The following AFAP1L1 variants were observed in gnomAD, a reference collection of about 807,000 sequenced individuals.
AFAP1L1 encodes the protein actin filament associated protein 1 like 1, also known as actin filament-associated protein 1-like 1.
AFAP1L1 carries 77 observed loss-of-function variants against 99.8 expected under a neutral mutation model. The observed-to-expected ratio is 0.77, with a 90% CI of 0.64 to 0.93. The LOEUF (loss-of-function observed/expected upper bound fraction) is 0.93, where lower values mean the gene tolerates loss of function less well. AFAP1L1 is among the 40% of genes least tolerant of loss of function. AFAP1L1 has a pLI of 0.00. For missense variants in AFAP1L1, 893 were observed against 996.8 expected (o/e 0.90, Z 1.40); for synonymous variants, 373 against 395.3 (o/e 0.94, Z 0.67).
chr5:149,323,436 T>A (rs1757011108), intron 15 of AFAP1L1, among the ~76,000 whole-genome samples: 1 of 152,258 alleles, frequency 6.6e-6, no homozygotes, highest in Non-Finnish European at 1.5e-5. Context: ...AATCTGTGCT[T>A]CTGTGTGATT....
chr5:149,339,960 A>G (rs1156949985), intron 18 of AFAP1L1, 47 bp from the exon 19 acceptor site: 2 of 1,611,362 alleles, frequency 1.2e-6, no homozygotes, highest in South Asian at 1.1e-5. Context: ...TCCATGTCAC[A>G]CTAGACCATT....
intron 15 of AFAP1L1, among the ~76,000 whole-genome samples, chr5:149,326,018 T>C (rs1757084410): frequency 6.6e-6 from 1 of 152,112 alleles, no homozygotes; most frequent in Non-Finnish European, 1.5e-5. Context: ...TTCCCACCCC[T>C]GGATCCAGAG....
chr5:149,335,776 A>G, intron 18 of AFAP1L1, 54 bp downstream of exon 18: 3 of 1,588,738 alleles, frequency 1.9e-6, no homozygotes, highest in Non-Finnish European at 2.6e-6. Context: ...CCCCCTTTCT[A>G]TGGAACTTCA....
chr5:149,310,909 C>T (rs1756611169), intron 8 of AFAP1L1, among the ~76,000 whole-genome samples: 1 of 152,234 alleles, frequency 6.6e-6, no homozygotes, highest in Admixed American at 6.5e-5. Flanking sequence ...GTGTGACCTT[C>T]TGCAAATGAC....
At chr5:149,312,302 C>G (rs1756659665) in intron 9 of AFAP1L1, 98 bp downstream of exon 9, 1 of 1,197,992 alleles carries the variant, frequency 8.3e-7, no homozygotes, top group Admixed American at 1.7e-5. Context: ...GAAAGTCAGG[C>G]AACTGCCAAA....
chr5:149,328,948 T>C (rs145269664), intron 15 of AFAP1L1, among the ~76,000 whole-genome samples: 237 of 152,334 alleles, frequency 1.6e-3, no homozygotes, highest in African/African-American at 5.4e-3. Context: ...TCCATCATAG[T>C]GTTGAACCTG....
In AFAP1L1 at chr5:149,300,161, C is replaced by T. The variant is rs1483510508; in HGVS notation, c.146-110C>T. 5.2e-5 allele frequency: 35 copies of T among 673,872 alleles called. 2 individuals carry two copies. The South Asian group carries it at 5.9e-4, about 11-fold the overall frequency. The allele number at this position is 673,872 out of a possible 1,614,324, so 41.7% of individuals were successfully genotyped here. On this transcript the variant is annotated intron_variant, in intron 2 of 18. Transcript: ENST00000296721. ...AGTGAAATAATTTAGGACTTGAATG[C>T]GCTTTGCAAAGTGAGCACTGTGTCC...
rs985353506 is a variant in AFAP1L1, at chr5:149,312,161, T to C, written c.977T>C (p.Val326Ala). ...GTTGGGGGAGCTGAGGGAGTGGAGG[T>C]CCCCAGATCCCCAGTCCTCCTGTGC... ...KPVGGAEGVEVPRSPVLLCKL... is the reference protein window; with the variant it reads ...KPVGGAEGVEAPRSPVLLCKL... Residue 326 changes from valine (V) to alanine (A), a missense_variant, in exon 9 of 19, where the codon GTC (valine) becomes GCC (alanine). By Grantham distance (64) the Val-to-Ala change is moderately conservative (BLOSUM62 0). Coordinates refer to ENST00000296721, the MANE Select transcript of AFAP1L1 (RefSeq NM_152406.4). 1 of 1,613,824 alleles carries C rather than the reference T, an allele frequency of 6.2e-7. No homozygotes were observed. Among genetic ancestry groups the C allele is most frequent in the African/African-American group, 1.3e-5 (1 of 74,862 alleles).
intron 1 of AFAP1L1, among the ~76,000 whole-genome samples, chr5:149,293,047 G>C (rs1414798238): frequency 6.6e-6 from 1 of 152,236 alleles, no homozygotes; most frequent in Non-Finnish European, 1.5e-5. Context: ...GCCATGAATA[G>C]TTCACAGGAT....
chr5:149,328,548 C>T (rs1216502825), intron 15 of AFAP1L1, among the ~76,000 whole-genome samples: 2 of 152,146 alleles, frequency 1.3e-5, no homozygotes, highest in Non-Finnish European at 2.9e-5. Context: ...GTGGCTCACT[C>T]CTGTAATCCC....
chr5:149,272,712 TTTTG>T (rs1755167192), intron 1 of AFAP1L1, among the ~76,000 whole-genome samples: 1 of 152,108 alleles, frequency 6.6e-6, no homozygotes, highest in Non-Finnish European at 1.5e-5. Flanking sequence ...GTTTGTTTTG[TTTTG>T]TTTGAGACGG....
chr5:149,272,094 G>C, intron 1 of AFAP1L1, 110 bp downstream of exon 1: 1 of 1,090,196 alleles, frequency 9.2e-7, no homozygotes, highest in Non-Finnish European at 1.2e-6. Flanking sequence ...TGGGGCGGGG[G>C]CTGAGGAACG....
chr5:149,272,111 G>A (rs982616486), intron 1 of AFAP1L1, 127 bp downstream of exon 1: 2 of 1,000,604 alleles, frequency 2.0e-6, no homozygotes, highest in African/African-American at 3.4e-5. Context: ...AACGCTCGGA[G>A]GGGACTGGGA....
rs79332604 is a variant in AFAP1L1, at chr5:149,296,058, G to A, written c.17-3451G>A. On this transcript the variant is annotated intron_variant, in intron 1 of 18. Coordinates refer to ENST00000296721, the MANE Select transcript of AFAP1L1 (RefSeq NM_152406.4). ...GTCCTCAACAATTTTTTTTAAGAAC[G>A]GGTTTTGCTCTGTTACCCAGGCTGA... Among the ~76,000 whole-genome samples the A allele has an allele frequency of 4.4e-3, 665 of 152,104 alleles. 6 individuals are homozygous for A. Among genetic ancestry groups the A allele is most frequent in the African/African-American group, 0.015 (628 of 41,458 alleles).
chr5:149,319,836 A>G (rs1756902700), intron 13 of AFAP1L1, 109 bp downstream of exon 13: 6 of 1,447,456 alleles, frequency 4.1e-6, no homozygotes, highest in Non-Finnish European at 5.6e-6. Flanking sequence ...GGAGCTAAGG[A>G]AAGCTCCGCT....
rs1757194346 is a variant in AFAP1L1, at chr5:149,329,652, C to T, written c.1811-14C>T. The T allele has an allele frequency of 6.2e-7, 1 of 1,608,648 alleles. No homozygotes were observed. Among genetic ancestry groups the T allele is most frequent in the Admixed American group, 1.7e-5 (1 of 59,118 alleles). On this transcript the variant is annotated splice_polypyrimidine_tract_variant and intron_variant, in intron 15 of 18. Transcript: ENST00000296721. ...TCAGAACTGAGGGCCTTTCCCTTCC[C>T]CATATCTCTGCAGGTGCCAATCAAT...
At chr5:149,339,172 A>G (rs574080810) in intron 18 of AFAP1L1, among the ~76,000 whole-genome samples, 7 of 151,210 alleles carry the variant, frequency 4.6e-5, no homozygotes, top group African/African-American at 1.5e-4. Flanking sequence ...CTGTGTCCCA[A>G]TAAAGCTTTT....
chr5:149,283,358 G>T (rs1010590518), intron 1 of AFAP1L1, among the ~76,000 whole-genome samples: 2 of 152,098 alleles, frequency 1.3e-5, no homozygotes, highest in South Asian at 4.1e-4. Context: ...GACTTGGCTG[G>T]GACACATTGT....
chr5:149,320,252 C>A lies in AFAP1L1; in HGVS notation c.1626-139C>A. 1 of 764,698 alleles carries A rather than the reference C, an allele frequency of 1.3e-6. No individual in the cohort carries two copies. Among genetic ancestry groups the A allele is most frequent in the Non-Finnish European group, 2.2e-6 (1 of 455,398 alleles). 47.4% of individuals were successfully genotyped at this position (764,698 alleles called of 1,614,324 possible). A position where few individuals can be genotyped will look rare whatever the true frequency, so the allele number is the denominator to read the frequency against. The stretch of plus-strand genomic sequence containing the variant: ...TAACACAGCCCATGACACAATGCTG[C>A]CTGCCATCTTGCTTTTACCAATCTT... On this transcript the variant is annotated intron_variant, in intron 13 of 18. Coordinates refer to ENST00000296721, the MANE Select transcript of AFAP1L1 (RefSeq NM_152406.4). This position sits in a 1 kb window ranked among gnomAD's most constrained non-coding sequence, Gnocchi z 4.0.
Sources: gnomAD v4.1 joint callset for allele counts (sites outside exome capture counted in the v4.1 genomes callset) on GRCh38, gnomAD v4.1.1 for gene constraint, Gnocchi (gnomAD v3.1) non-coding constraint, MANE v1.5 for transcripts, NCBI Gene and HGNC (gene_info 2026-07-23, HGNC 2026-07-21) for gene names.